TLL1: variants seen among roughly 807,000 people sequenced by gnomAD.
TLL1 encodes tolloid like 1, also known as tolloid-like protein 1.
TLL1 carries 49 observed loss-of-function variants against 128.2 expected under a neutral mutation model. That is an observed-to-expected ratio of 0.38 (90% CI 0.30 to 0.48). The LOEUF (loss-of-function observed/expected upper bound fraction) is 0.48. Among genes scored for constraint, TLL1 ranks in the 20% least tolerant of loss-of-function variants. The probability of loss-of-function intolerance (pLI) is 0.96; values close to 1 mark genes in which losing one functional copy is unlikely to be tolerated. For missense variants in TLL1, 1,123 were observed against 1,242.0 expected (o/e 0.90, Z 1.44); for synonymous variants, 454 against 418.8 (o/e 1.08, Z -1.03).
chr4:166,046,622 T>C (rs914831254), intron 12 of TLL1, among the ~76,000 whole-genome samples: 2 of 152,222 alleles, frequency 1.3e-5, no homozygotes, highest in East Asian at 1.9e-4. Flanking sequence ...AGTCACCTAA[T>C]GTGCCCATTG....
intron 1 of TLL1, among the ~76,000 whole-genome samples, chr4:165,901,311 G>A (rs895929431): frequency 6.6e-6 from 1 of 152,116 alleles, no homozygotes; most frequent in African/African-American, 2.4e-5. Flanking sequence ...TTTGGAGGAG[G>A]AGAAGAGACG....
chr4:166,079,693 G>A (rs1741200473), intron 18 of TLL1, among the ~76,000 whole-genome samples: 1 of 152,016 alleles, frequency 6.6e-6, no homozygotes, highest in African/African-American at 2.4e-5. Flanking sequence ...GTATTGTGGG[G>A]TCTGTCATTA....
At chr4:166,063,150 A>G (rs1319953217) in intron 15 of TLL1, among the ~76,000 whole-genome samples, 3 of 152,124 alleles carry the variant, frequency 2.0e-5, no homozygotes, top group Admixed American at 6.5e-5. Flanking sequence ...ACAAGAAAAA[A>G]TCAAACAACC....
chr4:166,090,145 G>A (rs963438106), intron 18 of TLL1, among the ~76,000 whole-genome samples: 3 of 151,880 alleles, frequency 2.0e-5, no homozygotes, highest in African/African-American at 7.2e-5. Flanking sequence ...AACAAAGTTT[G>A]AAATATATTT....
chr4:165,956,420 A>G (rs1734797275), intron 1 of TLL1, among the ~76,000 whole-genome samples: 1 of 152,014 alleles, frequency 6.6e-6, no homozygotes, highest in South Asian at 2.1e-4. Flanking sequence ...ACCTCCCCCC[A>G]GGAATGCATT....
chr4:165,885,797 T>C (rs1731142137), intron 1 of TLL1, among the ~76,000 whole-genome samples: 1 of 152,126 alleles, frequency 6.6e-6, no homozygotes. Context: ...GTGTTCATAA[T>C]GGAGAGAAGA....
At chr4:166,034,743 G>A (rs1738921018) in intron 9 of TLL1, among the ~76,000 whole-genome samples, 1 of 152,124 alleles carries the variant, frequency 6.6e-6, no homozygotes, top group Admixed American at 6.6e-5. Context: ...TGGGAATTTA[G>A]GAAAGAGAAG....
chr4:165,943,289 A>G (rs1442096973), intron 1 of TLL1, among the ~76,000 whole-genome samples: 1 of 152,068 alleles, frequency 6.6e-6, no homozygotes, highest in African/African-American at 2.4e-5. Flanking sequence ...ATTTCTTAAG[A>G]GTCATCTCCA....
chr4:166,032,289 C>A (rs193254246), intron 9 of TLL1, among the ~76,000 whole-genome samples: 1 of 152,054 alleles, frequency 6.6e-6, no homozygotes, highest in African/African-American at 2.4e-5. Context: ...GTCAAATTAA[C>A]GTATAGTAAT....
intron 1 of TLL1, among the ~76,000 whole-genome samples, chr4:165,928,360 A>G (rs910405368): frequency 1.3e-5 from 2 of 152,192 alleles, no homozygotes; most frequent in African/African-American, 4.8e-5. Flanking sequence ...CTGTTATAAT[A>G]GTTCTAATGA....
At chr4:166,046,287 C>G (rs144583937) in intron 12 of TLL1, among the ~76,000 whole-genome samples, 2,289 of 152,198 alleles carry the variant, frequency 0.015, 56 homozygotes, top group African/African-American at 0.05. Flanking sequence ...AGCCTGGATA[C>G]ATAAGAAAGA....
chr4:166,034,626 T>C (rs1469470509), intron 9 of TLL1, among the ~76,000 whole-genome samples: 2 of 152,118 alleles, frequency 1.3e-5, no homozygotes, highest in African/African-American at 4.8e-5. Flanking sequence ...AAAAGAAGTA[T>C]AGCCAGCATT....
chr4:165,933,660 G>A (rs1733633868), intron 1 of TLL1, among the ~76,000 whole-genome samples: 1 of 152,160 alleles, frequency 6.6e-6, no homozygotes, highest in South Asian at 2.1e-4. Context: ...AGGAGGGCCT[G>A]GGAGTGCTAG....
chr4:165,958,487 C>T (rs1403527413), intron 1 of TLL1, among the ~76,000 whole-genome samples: 6 of 143,318 alleles, frequency 4.2e-5, no homozygotes, highest in South Asian at 2.3e-4. Context: ...TTTCATGTGT[C>T]TTTTGGCTGC....
intron 1 of TLL1, among the ~76,000 whole-genome samples, chr4:165,981,850 G>C (rs771975077): frequency 6.6e-6 from 1 of 151,888 alleles, no homozygotes; most frequent in East Asian, 1.9e-4. Flanking sequence ...TATCATCTCT[G>C]TGTGCCATTG....
rs755251891 is a variant in TLL1 at position 166,057,338 on chromosome 4, A to AC, written c.1846+35dup. The AC allele has an allele frequency of 1.0e-5, 16 of 1,568,112 alleles. No individual in the cohort carries two copies. In the East Asian group the frequency reaches 3.2e-4, roughly 32 times the overall value. On this transcript the variant is annotated intron_variant, in intron 14 of 20. Transcript: ENST00000061240. Reference sequence around the variant, plus strand: ...TGACTGCACTCCTTCCTGGACCCCCACCCCCCACAATTATTTATTTCTTAT... The same window carrying AC: ...TGACTGCACTCCTTCCTGGACCCCCACCCCCCCACAATTATTTATTTCTTAT...
intron 1 of TLL1, among the ~76,000 whole-genome samples, chr4:165,886,052 T>TC (rs896738151): frequency 1.3e-5 from 2 of 151,894 alleles, no homozygotes; most frequent in African/African-American, 4.8e-5. Flanking sequence ...TTATGTATTT[T>TC]TTTGATGAGT....
chr4:166,004,886 G>C (rs892899121), intron 6 of TLL1, among the ~76,000 whole-genome samples: 1 of 151,940 alleles, frequency 6.6e-6, no homozygotes, highest in Admixed American at 6.6e-5. Context: ...GAAAAGTTCA[G>C]ATTAAAATAA....
At chr4:166,068,366 G>T (rs1476600940) in intron 16 of TLL1, among the ~76,000 whole-genome samples, 1 of 151,758 alleles carries the variant, frequency 6.6e-6, no homozygotes, top group Non-Finnish European at 1.5e-5. Flanking sequence ...ATTGATGTCT[G>T]TTCACATTGC....
Sources: gnomAD v4.1 joint callset for allele counts (sites outside exome capture counted in the v4.1 genomes callset) on GRCh38, gnomAD v4.1.1 for gene constraint, MANE v1.5 for transcripts, NCBI Gene and HGNC (gene_info 2026-07-23, HGNC 2026-07-21) for gene names.